Variants in PARP16 observed in about 807,000 individuals in gnomAD.
PARP16 encodes poly(ADP-ribose) polymerase family member 16.
Under a neutral mutation model 35.0 loss-of-function variants are expected in PARP16, and 31 were observed. The ratio of observed to expected loss-of-function variants is 0.88; its 90% CI spans 0.66 to 1.19. The LOEUF is 1.19. Ranked by LOEUF, PARP16 falls within the 50% of genes most tolerant of loss-of-function variation. PARP16 has a pLI of 0.00. For synonymous variants in PARP16, 162 were observed against 169.5 expected, an observed-to-expected ratio of 0.96 and a Z score of 0.34; for missense variants, 424 against 411.2, an observed-to-expected ratio of 1.03 and a Z score of -0.27.
intron 1 of PARP16, among the ~76,000 whole-genome samples, chr15:65,274,992 T>C (rs2140938489): frequency 6.6e-6 from 1 of 152,054 alleles, no homozygotes; most frequent in South Asian, 2.1e-4. Flanking sequence ...GGCAGGCACC[T>C]GAATCCCAGC....
Position 65,286,384 on chromosome 15 carries a change from G to A in PARP16, c.43C>T (p.Arg15Cys). 7 of 1,557,458 alleles carry A rather than the reference G, an allele frequency of 4.5e-6. No individual in the cohort carries two copies. The highest frequency in any genetic ancestry group is 2.5e-5 in the East Asian group (1 of 40,712). The change falls in exon 1 of 6, where the codon CGC becomes TGC. Residue 15 changes from arginine to cysteine, a missense_variant. Physicochemically the swap from Arg to Cys is radical, Grantham distance 180. Transcript: ENST00000649807. ...CGGAGGTCGGCGGCCAGCATGTCGC[G>A]GCCCGCCGCCTCCCTGGCGGCCGCC... is the stretch of plus-strand genomic sequence containing the variant. ...GWAAAREAAGRDMLAADLRCS... is the reference protein window; with the variant it reads ...GWAAAREAAGCDMLAADLRCS...
chr15:65,242,700 T>G (rs2089111163), intron 3 of PARP16, among the ~76,000 whole-genome samples: 1 of 152,160 alleles, frequency 6.6e-6, no homozygotes, highest in African/African-American at 2.4e-5. Flanking sequence ...TAACCTCAGT[T>G]ATTCATTTTA....
intron 2 of PARP16, among the ~76,000 whole-genome samples, chr15:65,268,664 TG>T (rs2089983766): frequency 1.3e-5 from 2 of 152,186 alleles, no homozygotes; most frequent in African/African-American, 2.4e-5. Flanking sequence ...AGGCTGGTCT[TG>T]AACTCCAGCC....
intron 3 of PARP16, 57 bp from the exon 4 acceptor site, chr15:65,263,377 C>A (rs776967703): frequency 5.6e-6 from 8 of 1,417,812 alleles, no homozygotes; most frequent in South Asian, 1.4e-5. Context: ...ACAGTTGGCA[C>A]GGCAAGACGA....
intron 1 of PARP16, among the ~76,000 whole-genome samples, chr15:65,275,578 TGTGTGGCTGGAACCTAGA>T (rs1007838655): frequency 6.6e-6 from 1 of 152,156 alleles, no homozygotes; most frequent in African/African-American, 2.4e-5. Flanking sequence ...CAGGTAATTC[TGTGTGGCTGGAACCTAGA>T]GTGTGGGGAA....
chr15:65,286,035 C>A (rs1343334803), intron 1 of PARP16, among the ~76,000 whole-genome samples: 1 of 152,206 alleles, frequency 6.6e-6, no homozygotes, highest in East Asian at 1.9e-4. Flanking sequence ...AGGAGAGAAG[C>A]AGCCACCAAG....
chr15:65,278,270 G>A (rs1340482047), intron 1 of PARP16, among the ~76,000 whole-genome samples: 1 of 152,222 alleles, frequency 6.6e-6, no homozygotes, highest in Non-Finnish European at 1.5e-5. Flanking sequence ...TCCTGCCCTA[G>A]GGCAACCTCC....
At chr15:65,261,136 G>T in intron 4 of PARP16, 110 bp from the exon 5 acceptor site, 2 of 983,704 alleles carry the variant, frequency 2.0e-6, no homozygotes, top group Non-Finnish European at 3.0e-6. Context: ...AGAAGGCCTG[G>T]CAGGCTGAGG....
Position 65,247,073 on chromosome 15 carries a change from C to T in PARP16, c.*97+1044G>A, listed in dbSNP as rs561618502. ...TGGTGTGATCATAGCTCACTGCAGCCTCGACCTCCTGGGCTCAAGCAGTCT... is the reference window on the plus strand; with the variant it reads ...TGGTGTGATCATAGCTCACTGCAGCTTCGACCTCCTGGGCTCAAGCAGTCT... On this transcript the variant is annotated intron_variant and NMD_transcript_variant, in intron 3 of 3. Coordinates refer to the PARP16 transcript ENST00000559805. Among the ~76,000 whole-genome samples, 14 of 152,118 alleles carry T rather than the reference C, an allele frequency of 9.2e-5. No individual in the cohort carries two copies. In the East Asian group the frequency reaches 2.7e-3, roughly 29 times the overall value.
At chr15:65,261,455 T>G (rs1000710726) in intron 4 of PARP16, among the ~76,000 whole-genome samples, 4 of 148,536 alleles carry the variant, frequency 2.7e-5, no homozygotes, top group Admixed American at 6.7e-5. Context: ...CATGTTTTGT[T>G]TTTTTTTTGT....
At chr15:65,257,696 C>A (rs1485697852), downstream of PARP16, among the ~76,000 whole-genome samples, 1 of 151,624 alleles carries the variant, frequency 6.6e-6, no homozygotes, top group Non-Finnish European at 1.5e-5. Flanking sequence ...TAGTAAGGTG[C>A]CTTGCAATGT....
At chr15:65,269,176 T>TTTCTTTCTTTCTTTC (rs1555423774) in intron 2 of PARP16, among the ~76,000 whole-genome samples, 4 of 146,154 alleles carry the variant, frequency 2.7e-5, no homozygotes, top group East Asian at 4.2e-4. Context: ...TAGTCGGTTT[T>TTTCTTTCTTTCTTTC]TTTCTTTCTT....
In PARP16 at chr15:65,271,040, T is replaced by C. The variant is rs143205712; in HGVS notation, c.207A>G (p.Lys69=). Reference sequence around the variant, plus strand: ...TGTCTCCGGAGGACTGGAGAAGTTCTTTCAGGTTAGGTAACTTGCTGGCAT... The same window carrying C: ...TGTCTCCGGAGGACTGGAGAAGTTCCTTCAGGTTAGGTAACTTGCTGGCAT... ...LADASKLPNL[K]ELLQSSGDNH... Residue 69 remains lysine, a synonymous_variant, in exon 2 of 6, where the codon AAA becomes AAG. Transcript: ENST00000649807. 2 of 1,614,096 alleles carry C rather than the reference T, an allele frequency of 1.2e-6. No homozygotes were observed. The highest frequency in any genetic ancestry group is 3.3e-5 in the Admixed American group (2 of 60,024).
At position 65,263,129 on chromosome 15, in the gene PARP16, T is replaced by C; in HGVS notation, c.691+20A>G. On this transcript the variant is annotated intron_variant, in intron 4 of 5. Transcript: ENST00000649807. ...CCAACAGAGGCCTGTAGCCCAGGTCTGGACCAAGTGCTCACTCACCCTTCT... is the reference window on the plus strand; with the variant it reads ...CCAACAGAGGCCTGTAGCCCAGGTCCGGACCAAGTGCTCACTCACCCTTCT... The C allele has an allele frequency of 6.2e-7, 1 of 1,610,436 alleles. No homozygotes were observed. The highest frequency in any genetic ancestry group is 8.5e-7 in the Non-Finnish European group (1 of 1,177,912).
At chr15:65,252,595 G>T (rs2089388874) in intron 2 of PARP16, among the ~76,000 whole-genome samples, 1 of 152,108 alleles carries the variant, frequency 6.6e-6, no homozygotes, top group Non-Finnish European at 1.5e-5. Flanking sequence ...TGTTTTCACT[G>T]GGGTCCTCCT....
intron 3 of PARP16, among the ~76,000 whole-genome samples, chr15:65,263,605 A>G (rs1258690159): frequency 1.3e-5 from 2 of 152,186 alleles, no homozygotes; most frequent in East Asian, 3.8e-4. Context: ...ACATAGGTAT[A>G]AGCATCCAAA....
At chr15:65,248,638 T>G (rs2089276308) in intron 2 of PARP16, among the ~76,000 whole-genome samples, 1 of 152,164 alleles carries the variant, frequency 6.6e-6, no homozygotes, top group African/African-American at 2.4e-5. Context: ...AAGGCAAAGC[T>G]GCAGGCCCAA....
intron 3 of PARP16, among the ~76,000 whole-genome samples, chr15:65,264,024 G>C (rs1285293940): frequency 3.3e-5 from 5 of 152,170 alleles, no homozygotes; most frequent in Non-Finnish European, 7.4e-5. Flanking sequence ...AAATAAATTA[G>C]AAATTAGTCT....
chr15:65,233,254 A>G (rs1368272703), downstream of PARP16, among the ~76,000 whole-genome samples: 1 of 152,108 alleles, frequency 6.6e-6, no homozygotes, highest in Non-Finnish European at 1.5e-5. Flanking sequence ...TCTACTAAAA[A>G]TACAAAAAAA....
Sources: allele counts gnomAD v4.1 joint callset (sites outside exome capture counted in the v4.1 genomes callset), GRCh38; gene constraint gnomAD v4.1.1; transcripts MANE v1.5; gene names NCBI Gene and HGNC (gene_info 2026-07-23, HGNC 2026-07-21).